The following ADGRF4 variants were observed in gnomAD, a reference collection of about 807,000 sequenced individuals.
ADGRF4 encodes the protein G-protein coupled receptor PGR18.
ADGRF4 carries 63 observed loss-of-function variants against 58.5 expected under a neutral mutation model. The observed-to-expected ratio is 1.08, with a 90% CI of 0.88 to 1.33. The LOEUF (loss-of-function observed/expected upper bound fraction) is 1.33, where lower values mean the gene tolerates loss of function less well. ADGRF4 is among the 40% of genes most tolerant of loss of function. The pLI, the probability that ADGRF4 is intolerant of heterozygous loss-of-function variation, is 0.00. For synonymous variants in ADGRF4, 313 were observed against 295.4 expected (o/e 1.06, Z -0.61); for missense variants, 931 against 843.9 (o/e 1.10, Z -1.28).
chr6:47,713,699 AT>A lies in ADGRF4; in HGVS notation c.553-97del, dbSNP rs1308501964. On this transcript the variant is annotated intron_variant, in intron 5 of 9. Coordinates refer to ENST00000283303, the MANE Select transcript of ADGRF4 (RefSeq NM_153838.5). ...TTTGAAGAGAAATATGCCAAATAAGATTGGGTAACCTGATCTTTAGAAATTT... is the reference window on the plus strand; with the variant it reads ...TTTGAAGAGAAATATGCCAAATAAGATGGGTAACCTGATCTTTAGAAATTT... 9.7e-6 allele frequency: 9 copies of A among 925,592 alleles called. No individual in the cohort carries two copies. In the African/African-American group the frequency reaches 1.5e-4, roughly 16 times the overall value. 57.3% of individuals were successfully genotyped at this position (925,592 alleles called of 1,614,324 possible).
chr6:47,704,816 T>C (rs1272170406), intron 1 of ADGRF4, among the ~76,000 whole-genome samples: 2 of 152,172 alleles, frequency 1.3e-5, no homozygotes, highest in Non-Finnish European at 2.9e-5. Flanking sequence ...AAAATTATGC[T>C]TTTTTGGTTT....
In ADGRF4 at chr6:47,721,856, T is replaced by C. The variant is rs1210257985; in HGVS notation, c.*651T>C. The C allele has an allele frequency of 6.7e-6, 1 of 149,710 alleles. No individual in the cohort carries two copies. Among genetic ancestry groups the C allele is most frequent in the Non-Finnish European group, 1.5e-5 (1 of 66,286 alleles). 9.3% of individuals were successfully genotyped at this position (149,710 alleles called of 1,614,324 possible). A position where few individuals can be genotyped will look rare whatever the true frequency, so the allele number is the denominator to read the frequency against. ...GCTTCTAGGATCCAAGTTTCCTTAT[T>C]TGTGAAACAGGAAAAAAAAATTCTT... On this transcript the variant is annotated 3_prime_UTR_variant, in exon 10 of 10. Coordinates refer to ENST00000283303, the MANE Select transcript of ADGRF4 (RefSeq NM_153838.5).
At chr6:47,703,261 G>T (rs1263866274) in intron 1 of ADGRF4, among the ~76,000 whole-genome samples, 2 of 152,156 alleles carry the variant, frequency 1.3e-5, no homozygotes, top group Admixed American at 6.5e-5. Flanking sequence ...ATCAACCATG[G>T]ATGAATTAGG....
At chr6:47,705,778 T>C (rs888569974) in intron 1 of ADGRF4, among the ~76,000 whole-genome samples, 4 of 152,168 alleles carry the variant, frequency 2.6e-5, no homozygotes, top group Non-Finnish European at 4.4e-5. Flanking sequence ...AGGACCTAGG[T>C]CATCTCTACT....
At chr6:47,701,411 G>T (rs535399705) in intron 1 of ADGRF4, among the ~76,000 whole-genome samples, 1 of 152,300 alleles carries the variant, frequency 6.6e-6, no homozygotes, top group South Asian at 2.1e-4. Context: ...TTTCTAGGTG[G>T]CTTAGTTGCT....
At chr6:47,704,839 C>A (rs1307837601) in intron 1 of ADGRF4, among the ~76,000 whole-genome samples, 2 of 152,118 alleles carry the variant, frequency 1.3e-5, no homozygotes, top group Non-Finnish European at 2.9e-5. Flanking sequence ...TGTATAGACA[C>A]TGATATACAT....
Position 47,712,423 on chromosome 6 carries a change from C to T in ADGRF4, c.367C>T (p.Arg123Ter), listed in dbSNP as rs200228477. ...PSIPLHILDFRAPETIESVAQ... is the reference protein window; with the variant it reads ...PSIPLHILDF ...TATACCTCTGCATATTCTAGACTTT[C>T]GAGCTCCAGAGACCATTGAGAGTGT... Residue 123 changes from arginine (R) to a stop codon, truncating the protein, a stop_gained, in exon 5 of 10, where the codon CGA becomes TGA. Coordinates refer to ENST00000283303, the MANE Select transcript of ADGRF4 (RefSeq NM_153838.5). LOFTEE classifies it high-confidence loss of function. 279 of 1,613,788 alleles carry T rather than the reference C, an allele frequency of 1.7e-4. No homozygotes were observed. The highest frequency in any genetic ancestry group is 2.0e-4 in the Non-Finnish European group (234 of 1,179,690).
At chr6:47,715,352 G>A in intron 6 of ADGRF4, 175 bp downstream of exon 6, 1 of 547,420 alleles carries the variant, frequency 1.8e-6, no homozygotes, top group East Asian at 2.9e-5. Context: ...AGCTGACCAG[G>A]GTGGTTGGGT....
At chr6:47,719,848 C>T (rs1772114471) in intron 9 of ADGRF4, among the ~76,000 whole-genome samples, 1 of 152,122 alleles carries the variant, frequency 6.6e-6, no homozygotes, top group Non-Finnish European at 1.5e-5. Flanking sequence ...AGAAGGAAGT[C>T]CAGGAAGGAG....
chr6:47,700,020 A>G (rs971808188), intron 1 of ADGRF4, among the ~76,000 whole-genome samples: 2 of 151,752 alleles, frequency 1.3e-5, no homozygotes, highest in African/African-American at 4.8e-5. Flanking sequence ...CCATCAGACA[A>G]TGGTCTGGCC....
At chr6:47,719,175 C>A (rs1772101156) in intron 9 of ADGRF4, among the ~76,000 whole-genome samples, 1 of 152,088 alleles carries the variant, frequency 6.6e-6, no homozygotes, top group South Asian at 2.1e-4. Flanking sequence ...GAGCAATGGG[C>A]CAAAACAAGG....
intron 9 of ADGRF4, among the ~76,000 whole-genome samples, chr6:47,719,767 C>G (rs185131448): frequency 5.1e-4 from 78 of 152,222 alleles, no homozygotes; most frequent in African/African-American, 1.8e-3. Flanking sequence ...TGGAGAAACA[C>G]AGTAGAAGGC....
intron 4 of ADGRF4, among the ~76,000 whole-genome samples, chr6:47,711,337 A>T (rs1219898861): frequency 1.3e-5 from 2 of 152,210 alleles, no homozygotes; most frequent in South Asian, 4.2e-4. Context: ...ATCTCAGCTC[A>T]CTGCAACCTC....
intron 2 of ADGRF4, among the ~76,000 whole-genome samples, chr6:47,707,835 G>A (rs1181435401): frequency 1.3e-5 from 2 of 152,018 alleles, no homozygotes; most frequent in African/African-American, 4.8e-5. Flanking sequence ...GTCTTCTAAG[G>A]ATCTACAGTA....
chr6:47,718,044 T>C (rs1467092182), intron 8 of ADGRF4, among the ~76,000 whole-genome samples: 2 of 152,256 alleles, frequency 1.3e-5, no homozygotes, highest in African/African-American at 4.8e-5. Flanking sequence ...CATTTATATT[T>C]AGATAGCATT....
chr6:47,720,219 C>T (rs1398543359), intron 9 of ADGRF4, among the ~76,000 whole-genome samples: 1 of 152,078 alleles, frequency 6.6e-6, no homozygotes, highest in African/African-American at 2.4e-5. Flanking sequence ...ACAGGGGCCC[C>T]ACACACAGTG....
intron 3 of ADGRF4, among the ~76,000 whole-genome samples, chr6:47,709,383 TC>T (rs2113899765): frequency 6.6e-6 from 1 of 152,344 alleles, no homozygotes; most frequent in African/African-American, 2.4e-5. Context: ...TTACGTATTG[TC>T]TTTGGCTGCT....
chr6:47,715,337 A>C, intron 6 of ADGRF4, 160 bp downstream of exon 6: 2 of 590,756 alleles, frequency 3.4e-6, no homozygotes, highest in Admixed American at 3.2e-5. Flanking sequence ...TGTCAAGTTG[A>C]ATTTAGCTGA....
At chr6:47,710,668 A>C in intron 3 of ADGRF4, 67 bp from the exon 4 acceptor site, 2 of 1,474,486 alleles carry the variant, frequency 1.4e-6, no homozygotes, top group Non-Finnish European at 1.8e-6. Context: ...AATTTGATGC[A>C]CCTGTCAAAA....
Sources: gnomAD v4.1 joint callset for allele counts (sites outside exome capture counted in the v4.1 genomes callset) on GRCh38, gnomAD v4.1.1 for gene constraint, MANE v1.5 for transcripts, NCBI Gene and HGNC (gene_info 2026-07-23, HGNC 2026-07-21) for gene names.